SCNN1D: variants seen among roughly 807,000 people sequenced by gnomAD.
The protein encoded by SCNN1D is epithelial sodium channel subunit delta.
SCNN1D carries 104 observed loss-of-function variants against 87.8 expected under a neutral mutation model. The ratio of observed to expected loss-of-function variants is 1.18; its 90% CI spans 1.01 to 1.39. The LOEUF (loss-of-function observed/expected upper bound fraction) is 1.39, where lower values mean the gene tolerates loss of function less well. Among genes scored for constraint, SCNN1D ranks in the 40% most tolerant of loss-of-function variants. The probability of loss-of-function intolerance (pLI) is 0.00; values close to 1 mark genes in which losing one functional copy is unlikely to be tolerated. For missense variants in SCNN1D, 1,324 were observed against 1,093.9 expected, an observed-to-expected ratio of 1.21 and a Z score of -2.97; for synonymous variants, 628 against 481.2, an observed-to-expected ratio of 1.31 and a Z score of -3.99.
rs992268760 is a variant in SCNN1D at position 1,280,449 on chromosome 1, G to A, written c.-213G>A. 9.2e-6 allele frequency: 4 copies of A among 436,028 alleles called. No individual in the cohort carries two copies. The highest frequency in any genetic ancestry group is 1.3e-5 in the Non-Finnish European group (3 of 238,474). The allele number at this position is 436,028 out of a possible 1,614,324, so 27.0% of individuals were successfully genotyped here. A position where few individuals can be genotyped will look rare whatever the true frequency, so the allele number is the denominator to read the frequency against. On this transcript the variant is annotated 5_prime_UTR_variant, in exon 1 of 18. Transcript: ENST00000379116. ...ACTGCCCTCCAGCCTGGGCGACAGC[G>A]AGACTCCATCTCAATAAATAAAAAA...
chr1:1,282,162 G>T lies in SCNN1D; in HGVS notation c.278-80G>T, dbSNP rs936073799. The T allele has an allele frequency of 1.6e-5, 13 of 833,668 alleles. No individual in the cohort carries two copies. In the Admixed American group the frequency reaches 2.7e-4, roughly 17 times the overall value. 51.6% of individuals were successfully genotyped at this position (833,668 alleles called of 1,614,324 possible). On this transcript the variant is annotated intron_variant, in intron 3 of 17. Coordinates refer to ENST00000379116, the MANE Select transcript of SCNN1D (RefSeq NM_001130413.4). ...TGGAGAGGCACCCCAGCCCCATCTG[G>T]CACTCAAGGAAATCAGCTCAGAGAG...
chr1:1,281,415 A>C lies in SCNN1D; in HGVS notation c.82A>C (p.Thr28Pro). 6.6e-7 allele frequency: 1 copy of C among 1,522,162 alleles called. No individual in the cohort carries two copies. Among genetic ancestry groups the C allele is most frequent in the South Asian group, 1.2e-5 (1 of 82,356 alleles). 94.3% of individuals were successfully genotyped at this position (1,522,162 alleles called of 1,614,324 possible). A position where few individuals can be genotyped will look rare whatever the true frequency, so the allele number is the denominator to read the frequency against. ...PGHLSGPRRL[T>P]WSWCSDHRTP... ...CCCGTCCCTTCTCTCATTCAGGCTC[A>C]CCTGGTCATGGTGCAGTGACCACAG... is the stretch of plus-strand genomic sequence containing the variant. The change falls in exon 3 of 18, where the codon ACC becomes CCC. Residue 28 changes from threonine (T) to proline (P), a missense_variant. Thr to Pro is a conservative substitution (Grantham distance 38). Transcript: ENST00000379116.
chr1:1,285,837 G>T, intron 6 of SCNN1D, 89 bp from the exon 7 acceptor site: 3 of 1,351,138 alleles, frequency 2.2e-6, no homozygotes, highest in South Asian at 2.8e-5. Flanking sequence ...GTAGGGCGGG[G>T]CACTGGTGGC....
intron 12 of SCNN1D, among the ~76,000 whole-genome samples, chr1:1,288,392 C>T (rs71628947): frequency 0.078 from 341 of 4,386 alleles, 36 homozygotes; most frequent in East Asian, 0.2. Flanking sequence ...GTCCCGTGTC[C>T]CTGCTCCGTC....
rs1366838587 is a variant in SCNN1D, at chr1:1,281,428, G to A, written c.95G>A (p.Cys32Tyr). 1 of 1,521,160 alleles carries A rather than the reference G, an allele frequency of 6.6e-7. No homozygotes were observed. 94.2% of individuals were successfully genotyped at this position (1,521,160 alleles called of 1,614,324 possible). A position where few individuals can be genotyped will look rare whatever the true frequency, so the allele number is the denominator to read the frequency against. ...TCATTCAGGCTCACCTGGTCATGGT[G>A]CAGTGACCACAGGACCCCCACATGC... is the stretch of plus-strand genomic sequence containing the variant. ...SGPRRLTWSW[C>Y]SDHRTPTCRE... is the part of the protein sequence containing the mutation. The change falls in exon 3 of 18, where the codon TGC becomes TAC. Residue 32 changes from cysteine (C) to tyrosine (Y), a missense_variant. By Grantham distance (194) the Cys-to-Tyr change is radical. Coordinates refer to ENST00000379116, the MANE Select transcript of SCNN1D (RefSeq NM_001130413.4).
chr1:1,291,696 C>A lies in SCNN1D; in HGVS notation c.*86C>A. 2 of 1,038,758 alleles carry A rather than the reference C, an allele frequency of 1.9e-6. No individual in the cohort carries two copies. Among genetic ancestry groups the A allele is most frequent in the Non-Finnish European group, 2.7e-6 (2 of 736,004 alleles). The allele number at this position is 1,038,758 out of a possible 1,614,324, so 64.3% of individuals were successfully genotyped here. A position where few individuals can be genotyped will look rare whatever the true frequency, so the allele number is the denominator to read the frequency against. Reference sequence around the variant, plus strand: ...GGCTCCCCAGCGGCCCAGGGTGGGCCAGACCAGCAGCCCAGGAAGCAGCAC... The same window carrying A: ...GGCTCCCCAGCGGCCCAGGGTGGGCAAGACCAGCAGCCCAGGAAGCAGCAC... On this transcript the variant is annotated 3_prime_UTR_variant, in exon 18 of 18. Transcript: ENST00000379116.
chr1:1,288,078 T>A, intron 12 of SCNN1D, 41 bp downstream of exon 12: 1 of 322,088 alleles, frequency 3.1e-6, no homozygotes, highest in Non-Finnish European at 5.4e-6. Context: ...CAGGTGAGGC[T>A]GGGCTGGCCA....
intron 3 of SCNN1D, 72 bp from the exon 4 acceptor site, chr1:1,282,170 G>T (rs1051854895): frequency 1.1e-6 from 1 of 911,984 alleles, no homozygotes; most frequent in African/African-American, 1.6e-5. Context: ...TGGCACTCAA[G>T]GAAATCAGCT....
chr1:1,290,526 CT>C lies in SCNN1D; in HGVS notation c.1831del (p.Cys611ValfsTer36), dbSNP rs760026518. The C allele has an allele frequency of 3.3e-5, 54 of 1,612,600 alleles. No homozygotes were observed. Among genetic ancestry groups the C allele is most frequent in the Non-Finnish European group, 4.3e-5 (51 of 1,179,948 alleles). On this transcript the variant is annotated frameshift_variant, in exon 14 of 18. Transcript: ENST00000379116. LOFTEE classifies it high-confidence loss of function. ...YQDLETHRLP[C>X]TSRCPRPCRE... ...AGGACCTGGAGACCCACCGGCTCCC[CT>C]GTACCTCCCGCTGCCCCAGGCCCTG...
At chr1:1,280,822 T>C in intron 1 of SCNN1D, 156 bp downstream of exon 1, 2 of 618,000 alleles carry the variant, frequency 3.2e-6, no homozygotes, top group Non-Finnish European at 5.9e-6. Flanking sequence ...ACACGCACCT[T>C]ACTCCTCCCA....
At chr1:1,288,293 T>TCCCGTGTCTCTGCTCCGTCC in intron 12 of SCNN1D, among the ~76,000 whole-genome samples, 1 of 71,376 alleles carries the variant, frequency 1.4e-5, no homozygotes, top group African/African-American at 1.8e-4. Flanking sequence ...CTCTGCTCCG[T>TCCCGTGTCTCTGCTCCGTCC]CCCGTGTCTG....
chr1:1,281,168 TC>T (rs58403854), intron 1 of SCNN1D, 57 bp from the exon 2 acceptor site: 132,684 of 1,485,698 alleles, frequency 0.089, 20,338 homozygotes, highest in East Asian at 0.62. Context: ...GAAACGGGGC[TC>T]TGGGATAGGA....
rs200248857 is a variant in SCNN1D, at chr1:1,290,578, G to A, written c.1859+23G>A. ...CAGGTGAGACGGGGGTGTTGGGGTC[G>A]CGGCCAGGGATCATTGCCCCAGGTA... On this transcript the variant is annotated intron_variant, in intron 14 of 17. Coordinates refer to ENST00000379116, the MANE Select transcript of SCNN1D (RefSeq NM_001130413.4). 677 of 1,612,530 alleles carry A rather than the reference G, an allele frequency of 4.2e-4. 9 individuals carry two copies. The highest frequency in any genetic ancestry group is 3.5e-3 in the South Asian group (320 of 91,074).
At chr1:1,287,341 A>G (rs1311893574) in intron 9 of SCNN1D, 42 bp downstream of exon 9, 1 of 1,526,320 alleles carries the variant, frequency 6.6e-7, no homozygotes, top group Non-Finnish European at 8.8e-7. Flanking sequence ...GTCCCACCCC[A>G]CAGAGCGTGG....
chr1:1,287,584 G>A lies in SCNN1D; in HGVS notation c.1387G>A (p.Gly463Ser), dbSNP rs148631629. The A allele has an allele frequency of 8.8e-6, 14 of 1,595,964 alleles. No individual in the cohort carries two copies. Among genetic ancestry groups the A allele is most frequent in the African/African-American group, 4.0e-5 (3 of 74,546 alleles). The change falls in exon 10 of 18, where the codon GGC becomes AGC. Residue 463 changes from glycine (G) to serine (S), a missense_variant. Gly to Ser is a moderately conservative substitution (Grantham distance 56). Coordinates refer to ENST00000379116, the MANE Select transcript of SCNN1D (RefSeq NM_001130413.4). ...VDGVWTAQRP[G>S]ITHGVGLVLR... ...TGGCGTCTGGACAGCTCAGCGCCCC[G>A]GCATCACCCACGGTGGGTGCCAGCC...
Position 1,290,392 on chromosome 1 carries a change from A to C in SCNN1D, c.1780+4A>C. Reference sequence around the variant, plus strand: ...TCTGCCCGGCACCCTGCCTGGGGTGAGTCCTGCTCGCTGCCTCCCACTCTG... The same window carrying C: ...TCTGCCCGGCACCCTGCCTGGGGTGCGTCCTGCTCGCTGCCTCCCACTCTG... On this transcript the variant is annotated splice_donor_region_variant and intron_variant, in intron 13 of 17. Transcript: ENST00000379116. 5 of 1,603,996 alleles carry C rather than the reference A, an allele frequency of 3.1e-6. No homozygotes were observed. Among genetic ancestry groups the C allele is most frequent in the Non-Finnish European group, 4.3e-6 (5 of 1,174,508 alleles).
rs1640790937 is a variant in SCNN1D, at chr1:1,290,964, C to A, written c.1976+11C>A. 3 of 1,603,264 alleles carry A rather than the reference C, an allele frequency of 1.9e-6. No homozygotes were observed. Among genetic ancestry groups the A allele is most frequent in the African/African-American group, 1.3e-5 (1 of 74,814 alleles). On this transcript the variant is annotated intron_variant, in intron 16 of 17. Transcript: ENST00000379116. Reference sequence around the variant, plus strand: ...GAGCCACAGACAGAGGTGGGTGCACCCTCCCCCTCCAGAGAGGCATCACAG... The same window carrying A: ...GAGCCACAGACAGAGGTGGGTGCACACTCCCCCTCCAGAGAGGCATCACAG...
At chr1:1,283,889 T>C in intron 4 of SCNN1D, 89 bp from the exon 5 acceptor site, 1 of 630,158 alleles carries the variant, frequency 1.6e-6, no homozygotes, top group Non-Finnish European at 2.5e-6. Flanking sequence ...GGAATTCCCC[T>C]TTTGGGTCCG....
intron 16 of SCNN1D, 53 bp from the exon 17 acceptor site, chr1:1,291,012 C>A: frequency 6.3e-7 from 1 of 1,597,930 alleles, no homozygotes. Context: ...CAAAGCCCCC[C>A]TCCCCATCAT....
Sources: gnomAD v4.1 joint callset for allele counts (sites outside exome capture counted in the v4.1 genomes callset) on GRCh38, gnomAD v4.1.1 for gene constraint, MANE v1.5 for transcripts, NCBI Gene and HGNC (gene_info 2026-07-23, HGNC 2026-07-21) for gene names.